EDEM2: variants seen among roughly 807,000 people sequenced by gnomAD.
EDEM2 encodes ER degradation-enhancing alpha-mannosidase-like protein 2.
EDEM2 carries 39 observed loss-of-function variants against 64.8 expected under a neutral mutation model. The ratio of observed to expected loss-of-function variants is 0.60; its 90% CI spans 0.47 to 0.79. The LOEUF (loss-of-function observed/expected upper bound fraction) is 0.79. EDEM2 is among the 30% of genes least tolerant of loss of function. The probability of loss-of-function intolerance (pLI) is 0.00; values close to 1 mark genes in which losing one functional copy is unlikely to be tolerated. For missense variants in EDEM2, 609 were observed against 731.3 expected (o/e 0.83, Z 1.93); for synonymous variants, 296 against 291.5 (o/e 1.02, Z -0.16).
chr20:35,126,353 G>GTTC lies in EDEM2; in HGVS notation c.864_866dup (p.Arg288_Asn289insLys), dbSNP rs2085432186. The GTTC allele has an allele frequency of 6.2e-7, 1 of 1,613,944 alleles. No homozygotes were observed. Among genetic ancestry groups the GTTC allele is most frequent in the African/African-American group, 1.3e-5 (1 of 74,906 alleles). ...GGTACCAGTCATCGAAGCGGGTGTAGTTCCGGATGGCTTTGTTATACTCTG... is the reference window on the plus strand; with the variant it reads ...GGTACCAGTCATCGAAGCGGGTGTAGTTCTTCCGGATGGCTTTGTTATACTCTG... On this transcript the variant is annotated inframe_insertion, in exon 8 of 11. Transcript: ENST00000374492.
At chr20:35,126,028 A>C (rs1039441649) in intron 8 of EDEM2, among the ~76,000 whole-genome samples, 2 of 152,214 alleles carry the variant, frequency 1.3e-5, no homozygotes, top group Non-Finnish European at 2.9e-5. Context: ...GACTTTAAGT[A>C]CTGTAACACT....
intron 3 of EDEM2, among the ~76,000 whole-genome samples, chr20:35,143,493 G>A (rs778430586): frequency 1.3e-5 from 2 of 152,200 alleles, no homozygotes; most frequent in African/African-American, 4.8e-5. Context: ...ACACAGTTGC[G>A]TAGCTGACCC....
rs1419232882 is a variant in EDEM2 at position 35,139,431 on chromosome 20, C to T, written c.365-1426G>A. On this transcript the variant is annotated intron_variant, in intron 4 of 10. Transcript: ENST00000374492. Reference sequence around the variant, plus strand: ...TGGGAGGCTGAGGCAGGTGGACTGCCTGAGCTCAGGAGTTCGTGACCAGCC... The same window carrying T: ...TGGGAGGCTGAGGCAGGTGGACTGCTTGAGCTCAGGAGTTCGTGACCAGCC... 2.0e-5 allele frequency among the ~76,000 whole-genome samples: 3 copies of T among 151,160 alleles called. No homozygotes were observed. The East Asian group carries it at 5.8e-4, about 29-fold the overall frequency.
chr20:35,145,145 G>C lies in EDEM2; in HGVS notation c.219-127C>G, dbSNP rs2146118252. Reference sequence around the variant, plus strand: ...AATGCCTCTGCCTGTCCCACTTACAGTCACAACAGAGAAACCACAGTGAAA... The same window carrying C: ...AATGCCTCTGCCTGTCCCACTTACACTCACAACAGAGAAACCACAGTGAAA... On this transcript the variant is annotated intron_variant, in intron 2 of 10. Transcript: ENST00000374492. The C allele has an allele frequency of 3.3e-6, 3 of 900,734 alleles. No individual in the cohort carries two copies. In the East Asian group the frequency reaches 8.1e-5, roughly 24 times the overall value. The allele number at this position is 900,734 out of a possible 1,614,324, so 55.8% of individuals were successfully genotyped here. A position where few individuals can be genotyped will look rare whatever the true frequency, so the allele number is the denominator to read the frequency against.
chr20:35,142,509 G>A (rs947938828), intron 3 of EDEM2, 31 bp from the exon 4 acceptor site: 1 of 1,521,428 alleles, frequency 6.6e-7, no homozygotes, highest in Non-Finnish European at 9.1e-7. Context: ...TGACAATGAG[G>A]CTCTTACATG....
chr20:35,132,168 C>T (rs2146102198), intron 6 of EDEM2, among the ~76,000 whole-genome samples: 1 of 152,276 alleles, frequency 6.6e-6, no homozygotes, highest in East Asian at 1.9e-4. Flanking sequence ...CACAGACGTG[C>T]TTTACGTATT....
intron 7 of EDEM2, among the ~76,000 whole-genome samples, chr20:35,130,938 G>T (rs946231987): frequency 6.6e-6 from 1 of 152,180 alleles, no homozygotes; most frequent in Admixed American, 6.6e-5. Flanking sequence ...TTGTAGAGCT[G>T]TAACTGTTGA....
At chr20:35,128,152 G>A (rs1403348786) in intron 7 of EDEM2, among the ~76,000 whole-genome samples, 4 of 152,104 alleles carry the variant, frequency 2.6e-5, no homozygotes, top group East Asian at 1.9e-4. Flanking sequence ...TTGGGAGGGC[G>A]AGGTGGGCGG....
chr20:35,132,929 T>C (rs2085525516), intron 6 of EDEM2, among the ~76,000 whole-genome samples: 1 of 152,168 alleles, frequency 6.6e-6, no homozygotes, highest in South Asian at 2.1e-4. Flanking sequence ...TCCGCGTTGG[T>C]TTGTGTCCCC....
At chr20:35,123,778 T>C in intron 9 of EDEM2, 112 bp downstream of exon 9, 3 of 1,347,582 alleles carry the variant, frequency 2.2e-6, no homozygotes, top group Non-Finnish European at 3.0e-6. Context: ...AAGGAACAGA[T>C]GGAAAGAAAT....
intron 9 of EDEM2, among the ~76,000 whole-genome samples, chr20:35,119,709 A>G (rs2085346950): frequency 6.6e-6 from 1 of 152,218 alleles, no homozygotes; most frequent in African/African-American, 2.4e-5. Flanking sequence ...GTCTTGCCCA[A>G]TTCTATGCCA....
At chr20:35,139,896 C>T (rs185513389) in intron 4 of EDEM2, among the ~76,000 whole-genome samples, 1 of 151,858 alleles carries the variant, frequency 6.6e-6, no homozygotes, top group African/African-American at 2.4e-5. Context: ...AAAACCAAAA[C>T]AAGATTCTCT....
chr20:35,139,287 T>C (rs1298457561), intron 4 of EDEM2, among the ~76,000 whole-genome samples: 1 of 148,656 alleles, frequency 6.7e-6, no homozygotes, highest in Non-Finnish European at 1.5e-5. Context: ...GAGGTGGAGG[T>C]TGCAGTGAGC....
At chr20:35,134,411 T>C (rs1280821044) in intron 6 of EDEM2, among the ~76,000 whole-genome samples, 2 of 152,092 alleles carry the variant, frequency 1.3e-5, no homozygotes, top group African/African-American at 4.8e-5. Context: ...ACGCTAAAAA[T>C]GAAGGCCGGA....
chr20:35,125,201 C>CT (rs11468187), intron 8 of EDEM2, among the ~76,000 whole-genome samples: 3,385 of 127,952 alleles, frequency 0.026, 69 homozygotes, highest in South Asian at 0.05. Context: ...CCGGTGGCCA[C>CT]TTTTTTTTTT....
intron 10 of EDEM2, among the ~76,000 whole-genome samples, chr20:35,116,441 A>T (rs935060716): frequency 2.0e-5 from 3 of 151,262 alleles, no homozygotes; most frequent in African/African-American, 7.3e-5. Context: ...ACCTCTTACC[A>T]CTCTAAGAGC....
chr20:35,119,526 G>A (rs1208403583), intron 9 of EDEM2, among the ~76,000 whole-genome samples: 1 of 152,184 alleles, frequency 6.6e-6, no homozygotes, highest in Admixed American at 6.6e-5. Flanking sequence ...CCAGGAGTTT[G>A]AGGCTGCAGT....
chr20:35,117,516 CA>C (rs1434068484), intron 10 of EDEM2, among the ~76,000 whole-genome samples: 2 of 152,278 alleles, frequency 1.3e-5, no homozygotes, highest in African/African-American at 4.8e-5. Context: ...GTGGGCTTAT[CA>C]TTTTGGTTTT....
intron 6 of EDEM2, among the ~76,000 whole-genome samples, chr20:35,132,468 A>G (rs1182093219): frequency 6.6e-6 from 1 of 152,050 alleles, no homozygotes; most frequent in Non-Finnish European, 1.5e-5. Context: ...AACTTGGCCA[A>G]CATGGTAAAA....
Sources: gnomAD v4.1 joint callset for allele counts (sites outside exome capture counted in the v4.1 genomes callset) on GRCh38, gnomAD v4.1.1 for gene constraint, MANE v1.5 for transcripts, NCBI Gene and HGNC (gene_info 2026-07-23, HGNC 2026-07-21) for gene names.